Variants in CPED1 observed in about 807,000 individuals in gnomAD.
CPED1 encodes the protein cadherin like and PC-esterase domain containing 1, also known as cadherin-like and PC-esterase domain-containing protein 1.
A neutral mutation model predicts 128.2 loss-of-function variants in CPED1; 114 were observed. The ratio of observed to expected loss-of-function variants is 0.89; its 90% confidence interval spans 0.76 to 1.04. The LOEUF is 1.04. Among genes scored for constraint, CPED1 ranks in the 50% least tolerant of loss-of-function variants. CPED1 has a pLI of 0.00. For missense variants in CPED1, 1,211 were observed against 1,207.1 expected, an observed-to-expected ratio of 1.00 and a Z score of -0.05; for synonymous variants, 462 against 426.7, an observed-to-expected ratio of 1.08 and a Z score of -1.02.
intron 16 of CPED1, among the ~76,000 whole-genome samples, chr7:121,191,230 A>G (rs1584583614): frequency 6.6e-6 from 1 of 152,186 alleles, no homozygotes; most frequent in Admixed American, 6.5e-5. Flanking sequence ...AACACCGAGC[A>G]TAGAAAAGGG....
intron 5 of CPED1, among the ~76,000 whole-genome samples, chr7:121,090,920 A>G (rs1213901293): frequency 1.3e-5 from 2 of 152,156 alleles, no homozygotes; most frequent in Admixed American, 1.3e-4. Context: ...CTGGCACTCC[A>G]GCCTGAGTGA....
At chr7:121,237,170 C>T (rs1798278537) in intron 17 of CPED1, among the ~76,000 whole-genome samples, 2 of 151,986 alleles carry the variant, frequency 1.3e-5, no homozygotes, top group Admixed American at 6.6e-5. Context: ...TAGCAGTTAC[C>T]ACAATTATTT....
intron 16 of CPED1, among the ~76,000 whole-genome samples, chr7:121,149,153 G>A (rs116831808): frequency 2.6e-3 from 397 of 152,256 alleles, no homozygotes; most frequent in Middle Eastern, 0.01. Context: ...CCAGTGAGCC[G>A]TCCTTTACCA....
In CPED1 at chr7:121,289,208, T is replaced by C. The variant is rs185447551; in HGVS notation, c.2869-6232T>C. ...AGAGTTACCTGATCTGAGGGCCAGA[T>C]CAAGCAAAGCCAAACCTTCCATAGC... On this transcript the variant is annotated intron_variant, in intron 22 of 22. Transcript: ENST00000310396. 3.3e-5 allele frequency among the ~76,000 whole-genome samples: 5 copies of C among 152,298 alleles called. No individual in the cohort carries two copies. The East Asian group carries it at 9.7e-4, about 29-fold the overall frequency.
chr7:121,137,295 C>A (rs1795805876), intron 14 of CPED1, among the ~76,000 whole-genome samples: 1 of 151,990 alleles, frequency 6.6e-6, no homozygotes, highest in Non-Finnish European at 1.5e-5. Context: ...CTTCATCCTC[C>A]CAAGTAGCTA....
chr7:121,269,236 A>G (rs1037013384), intron 21 of CPED1, among the ~76,000 whole-genome samples: 1 of 152,032 alleles, frequency 6.6e-6, no homozygotes, highest in African/African-American at 2.4e-5. Flanking sequence ...GCTCCCACTC[A>G]TAAGTGAGGA....
At chr7:121,001,941 T>C (rs1240470449) in intron 2 of CPED1, among the ~76,000 whole-genome samples, 1 of 152,116 alleles carries the variant, frequency 6.6e-6, no homozygotes, top group Non-Finnish European at 1.5e-5. Context: ...AAGAATGATA[T>C]CATTAAAATA....
In CPED1 at chr7:121,175,665, G is replaced by T. The variant is rs111524124; in HGVS notation, c.2055+33524G>T. Among the ~76,000 whole-genome samples the T allele has an allele frequency of 3.9e-4, 59 of 152,168 alleles. 1 individual carries two copies. Among genetic ancestry groups the T allele is most frequent in the African/African-American group, 1.3e-3 (55 of 41,528 alleles). On this transcript the variant is annotated intron_variant, in intron 16 of 22. Coordinates refer to ENST00000310396, the MANE Select transcript of CPED1 (RefSeq NM_024913.5). ...TAACACTTATTTCTTGAATTCAAAT[G>T]GGAATATTTCAAGGAAGTTCCAAAA...
At chr7:121,183,096 A>T (rs1796933620) in intron 16 of CPED1, among the ~76,000 whole-genome samples, 1 of 152,108 alleles carries the variant, frequency 6.6e-6, no homozygotes, top group South Asian at 2.1e-4. Context: ...CATAGTAATT[A>T]TGTGCTGTAG....
chr7:121,161,669 G>T (rs1313845643), intron 16 of CPED1, among the ~76,000 whole-genome samples: 1 of 152,186 alleles, frequency 6.6e-6, no homozygotes, highest in African/African-American at 2.4e-5. Context: ...ATACTTCTCT[G>T]CCTACCATAA....
At position 121,047,009 on chromosome 7, in the gene CPED1, A is replaced by T; in HGVS notation, c.540+16A>T. 1 of 1,496,084 alleles carries T rather than the reference A, an allele frequency of 6.7e-7. No individual in the cohort carries two copies. The allele number at this position is 1,496,084 out of a possible 1,614,324, so 92.7% of individuals were successfully genotyped here. On this transcript the variant is annotated intron_variant, in intron 4 of 22. Transcript: ENST00000310396. The stretch of plus-strand genomic sequence containing the variant: ...ACATCAAAAGGTAAATACTCTCAAG[A>T]TGTGCACAGATTTTATCAGCCCTAC...
In CPED1 at chr7:121,164,487, G is replaced by A. The variant is rs1004207197; in HGVS notation, c.2055+22346G>A. 2.0e-5 allele frequency among the ~76,000 whole-genome samples: 3 copies of A among 152,050 alleles called. No homozygotes were observed. In the East Asian group the frequency reaches 5.8e-4, roughly 29 times the overall value. ...AAGCATGCATTGAAATTTCCCAGAGGGCTTATTAAAACACAGACTGCTGGC... is the reference window on the plus strand; with the variant it reads ...AAGCATGCATTGAAATTTCCCAGAGAGCTTATTAAAACACAGACTGCTGGC... On this transcript the variant is annotated intron_variant, in intron 16 of 22. Transcript: ENST00000310396.
At chr7:121,136,408 G>C (rs573518259) in intron 14 of CPED1, among the ~76,000 whole-genome samples, 20 of 151,970 alleles carry the variant, frequency 1.3e-4, no homozygotes, top group Middle Eastern at 3.4e-3. Context: ...TGATCTTTAG[G>C]GGTCTCACTA....
chr7:121,156,650 T>C (rs1206017289), intron 16 of CPED1, among the ~76,000 whole-genome samples: 1 of 152,016 alleles, frequency 6.6e-6, no homozygotes, highest in Non-Finnish European at 1.5e-5. Context: ...CTCATGAAGA[T>C]TGAGAATAGA....
chr7:121,164,043 G>C (rs1302348467), intron 16 of CPED1, among the ~76,000 whole-genome samples: 1 of 152,186 alleles, frequency 6.6e-6, no homozygotes, highest in East Asian at 1.9e-4. Context: ...TAGGTGCTCT[G>C]CTCTTTCTTC....
rs377687061 is a variant in CPED1, at chr7:121,133,808, G to T, written c.1578-15G>T. 88 of 1,570,214 alleles carry T rather than the reference G, an allele frequency of 5.6e-5. No homozygotes were observed. The highest frequency in any genetic ancestry group is 7.2e-5 in the Non-Finnish European group (83 of 1,148,646). ...CATTTCATTAATCCAGAGTTGTTTG[G>T]CATTGCATTTGCAGGAATTCTTTCA... On this transcript the variant is annotated splice_polypyrimidine_tract_variant and intron_variant, in intron 12 of 22. Transcript: ENST00000310396.
chr7:121,057,792 C>G (rs973467065), intron 4 of CPED1, among the ~76,000 whole-genome samples: 6 of 152,056 alleles, frequency 3.9e-5, no homozygotes, highest in African/African-American at 1.5e-4. Flanking sequence ...TTAAACAATA[C>G]AGACAAAAAT....
intron 16 of CPED1, among the ~76,000 whole-genome samples, chr7:121,144,955 G>A (rs954646311): frequency 1.3e-5 from 2 of 151,940 alleles, no homozygotes; most frequent in Non-Finnish European, 2.9e-5. Context: ...GTTACTAGAA[G>A]GTGTAGGTAC....
intron 5 of CPED1, among the ~76,000 whole-genome samples, chr7:121,094,525 A>G (rs1794652672): frequency 6.6e-6 from 1 of 152,192 alleles, no homozygotes; most frequent in African/African-American, 2.4e-5. Context: ...TAAACCTCCA[A>G]AACAAGTTCA....
Sources: allele counts gnomAD v4.1 joint callset (sites outside exome capture counted in the v4.1 genomes callset), GRCh38; gene constraint gnomAD v4.1.1; transcripts MANE v1.5; gene names NCBI Gene and HGNC (gene_info 2026-07-23, HGNC 2026-07-21).